Variants in PTPRD observed in about 807,000 individuals in gnomAD.
PTPRD encodes the protein protein tyrosine phosphatase receptor type D.
Under a neutral mutation model 214.5 loss-of-function variants are expected in PTPRD, and 34 were observed. That is an observed-to-expected ratio of 0.16 (90% CI 0.12 to 0.21). The LOEUF (loss-of-function observed/expected upper bound fraction) is 0.21, where lower values mean the gene tolerates loss of function less well. Among genes scored for constraint, PTPRD ranks in the 10% least tolerant of loss-of-function variants. PTPRD has a pLI of 1.00. For missense variants in PTPRD, 2,545 were observed against 2,398.7 expected, an observed-to-expected ratio of 1.06 and a Z score of -1.27; for synonymous variants, 1,128 against 845.7, an observed-to-expected ratio of 1.33 and a Z score of -5.79.
intron 5 of PTPRD, among the ~76,000 whole-genome samples, chr9:9,881,082 G>T (rs1019688845): frequency 6.6e-6 from 1 of 151,860 alleles, no homozygotes; most frequent in Non-Finnish European, 1.5e-5. Flanking sequence ...ATTTTGGAAG[G>T]GTATATTCTG....
At chr9:8,652,579 C>G (rs1256921815) in intron 12 of PTPRD, among the ~76,000 whole-genome samples, 1 of 152,210 alleles carries the variant, frequency 6.6e-6, no homozygotes, top group Non-Finnish European at 1.5e-5. Flanking sequence ...AGAATGACAC[C>G]ATTTTAGGAC....
At chr9:10,430,066 T>G (rs2098663115) in intron 2 of PTPRD, among the ~76,000 whole-genome samples, 1 of 151,988 alleles carries the variant, frequency 6.6e-6, no homozygotes, top group African/African-American at 2.4e-5. Flanking sequence ...TATGTTCTAT[T>G]AAGAGTTATG....
intron 11 of PTPRD, among the ~76,000 whole-genome samples, chr9:8,889,650 A>G (rs2098521682): frequency 8.2e-6 from 1 of 121,454 alleles, no homozygotes; most frequent in Admixed American, 1.1e-4. Flanking sequence ...AGTTCATTGT[A>G]TCATTCTTAT....
chr9:8,374,157 G>T (rs1398543160), intron 39 of PTPRD, among the ~76,000 whole-genome samples: 3 of 148,162 alleles, frequency 2.0e-5, no homozygotes, highest in Admixed American at 1.4e-4. Flanking sequence ...TGTGTGTACC[G>T]TATTTTTGCC....
At chr9:10,208,525 A>C (rs62538586) in intron 3 of PTPRD, among the ~76,000 whole-genome samples, 14,674 of 152,260 alleles carry the variant, frequency 0.096, 914 homozygotes, top group Non-Finnish European at 0.14. Flanking sequence ...AAAAATAAAA[A>C]GACTAAAACC....
intron 14 of PTPRD, among the ~76,000 whole-genome samples, chr9:8,616,227 G>A (rs1036505683): frequency 8.6e-5 from 13 of 152,000 alleles, no homozygotes; most frequent in Non-Finnish European, 1.5e-5. Flanking sequence ...AAGTGCAACG[G>A]GCCAATGAAC....
At chr9:9,883,701 C>G (rs2069666973) in intron 5 of PTPRD, among the ~76,000 whole-genome samples, 1 of 152,080 alleles carries the variant, frequency 6.6e-6, no homozygotes, top group Admixed American at 6.6e-5. Flanking sequence ...TCTATCTAAC[C>G]TCTTAGCCAG....
intron 6 of PTPRD, among the ~76,000 whole-genome samples, chr9:9,739,787 G>A (rs1023469765): frequency 6.6e-6 from 1 of 151,654 alleles, no homozygotes; most frequent in South Asian, 2.1e-4. Flanking sequence ...TGTTGAGATA[G>A]ATACTTATAT....
At chr9:10,071,412 G>T (rs571614406) in intron 3 of PTPRD, among the ~76,000 whole-genome samples, 2 of 151,968 alleles carry the variant, frequency 1.3e-5, no homozygotes, top group African/African-American at 4.8e-5. Context: ...GTGGGATATT[G>T]GTGGAAGAAT....
chr9:10,355,956 A>C (rs1173896598), intron 2 of PTPRD, among the ~76,000 whole-genome samples: 1 of 152,192 alleles, frequency 6.6e-6, no homozygotes, highest in Non-Finnish European at 1.5e-5. Flanking sequence ...CGTATTAGAG[A>C]GTACACTGAG....
chr9:8,779,644 C>G (rs978157911), intron 11 of PTPRD, among the ~76,000 whole-genome samples: 2 of 152,138 alleles, frequency 1.3e-5, no homozygotes, highest in African/African-American at 2.4e-5. Flanking sequence ...AGAGATGCCA[C>G]TATCTCCTCA....
intron 3 of PTPRD, among the ~76,000 whole-genome samples, chr9:10,133,005 C>T (rs78271328): frequency 0.02 from 2,973 of 152,238 alleles, 89 homozygotes; most frequent in African/African-American, 0.067. Flanking sequence ...CATGCCCTCT[C>T]GTTACTTGTT....
chr9:8,695,567 G>A (rs976063133), intron 12 of PTPRD, among the ~76,000 whole-genome samples: 3 of 151,754 alleles, frequency 2.0e-5, no homozygotes, highest in Admixed American at 1.3e-4. Context: ...ATTCCAAGGA[G>A]TCATTCTCAT....
At chr9:8,522,713 G>A (rs761356817) in intron 19 of PTPRD, among the ~76,000 whole-genome samples, 1 of 152,178 alleles carries the variant, frequency 6.6e-6, no homozygotes, top group Non-Finnish European at 1.5e-5. Context: ...TTTTGGATGT[G>A]ATACAAGGAG....
intron 13 of PTPRD, among the ~76,000 whole-genome samples, chr9:8,634,644 A>G (rs964026194): frequency 6.6e-6 from 1 of 152,060 alleles, no homozygotes; most frequent in South Asian, 2.1e-4. Flanking sequence ...TCTACTATGC[A>G]TCTTAGGAAA....
intron 11 of PTPRD, among the ~76,000 whole-genome samples, chr9:8,774,340 A>G (rs1231189510): frequency 6.6e-6 from 1 of 152,140 alleles, no homozygotes; most frequent in African/African-American, 2.4e-5. Context: ...CACTACAGAG[A>G]AAATCCTAAA....
intron 2 of PTPRD, among the ~76,000 whole-genome samples, chr9:10,405,514 T>C (rs2098339768): frequency 1.1e-5 from 1 of 91,000 alleles, no homozygotes; most frequent in South Asian, 4.0e-4. Flanking sequence ...ATATGATTAA[T>C]TCACTAAACA....
intron 14 of PTPRD, among the ~76,000 whole-genome samples, chr9:8,624,751 A>C (rs968986435): frequency 4.0e-5 from 6 of 151,848 alleles, no homozygotes; most frequent in African/African-American, 1.4e-4. Context: ...AAGCACTGGA[A>C]GGTTGATACA....
At chr9:8,511,431 A>AT (rs33920439) in intron 21 of PTPRD, among the ~76,000 whole-genome samples, 5,953 of 146,952 alleles carry the variant, frequency 0.041, 371 homozygotes, top group African/African-American at 0.14. Context: ...TCTCACTGGT[A>AT]TTTTTTTTTT....
Sources: allele counts gnomAD v4.1 joint callset (sites outside exome capture counted in the v4.1 genomes callset), GRCh38; gene constraint gnomAD v4.1.1; transcripts MANE v1.5; gene names NCBI Gene and HGNC (gene_info 2026-07-23, HGNC 2026-07-21).